Variants in RBM20 observed in about 807,000 individuals in gnomAD.
The protein encoded by RBM20 is RNA-binding protein 20.
In RBM20, 51 loss-of-function variants were observed where a neutral mutation model predicts 110.1. That is an observed-to-expected ratio of 0.46 (90% CI 0.37 to 0.59). The LOEUF (loss-of-function observed/expected upper bound fraction) is 0.59, where lower values mean the gene tolerates loss of function less well. Among genes scored for constraint, RBM20 ranks in the 20% least tolerant of loss-of-function variants. The probability of loss-of-function intolerance (pLI) is 0.00; values close to 1 mark genes in which losing one functional copy is unlikely to be tolerated. For missense variants in RBM20, 1,512 were observed against 1,574.9 expected (o/e 0.96, Z 0.68); for synonymous variants, 589 against 618.2 (o/e 0.95, Z 0.70).
intron 1 of RBM20, among the ~76,000 whole-genome samples, chr10:110,758,014 C>T (rs200910924): frequency 2.8e-3 from 223 of 79,868 alleles, no homozygotes; most frequent in East Asian, 3.8e-3. Context: ...GATCCTTGTT[C>T]TTTTTTTTTT....
intron 1 of RBM20, among the ~76,000 whole-genome samples, chr10:110,682,565 A>G (rs1423770289): frequency 1.3e-5 from 2 of 152,176 alleles, no homozygotes; most frequent in African/African-American, 2.4e-5. Flanking sequence ...TTGGGCTGTA[A>G]TCTGCCAACT....
chr10:110,809,993 G>A (rs1408171509), intron 7 of RBM20, among the ~76,000 whole-genome samples: 1 of 152,222 alleles, frequency 6.6e-6, no homozygotes, highest in Non-Finnish European at 1.5e-5. Context: ...TGATCTTCAA[G>A]TCTTTCCAAG....
intron 1 of RBM20, among the ~76,000 whole-genome samples, chr10:110,663,258 A>G (rs1862131545): frequency 6.6e-6 from 1 of 151,916 alleles, no homozygotes. Flanking sequence ...ACACCCAGCC[A>G]TCACCCTGCT....
At chr10:110,819,306 G>T (rs1219271444) in intron 9 of RBM20, among the ~76,000 whole-genome samples, 1 of 152,206 alleles carries the variant, frequency 6.6e-6, no homozygotes, top group African/African-American at 2.4e-5. Flanking sequence ...TTTTATGTAG[G>T]CACTTCTATA....
intron 1 of RBM20, among the ~76,000 whole-genome samples, chr10:110,717,553 G>C (rs1488430957): frequency 6.6e-6 from 1 of 152,202 alleles, no homozygotes; most frequent in Non-Finnish European, 1.5e-5. Context: ...CTGAGTGTGA[G>C]GTGGAGAGAG....
rs34786813 is a variant in RBM20, at chr10:110,676,791, A to AT, written c.191+32154dup. Among the ~76,000 whole-genome samples, 17 of 152,040 alleles carry AT rather than the reference A, an allele frequency of 1.1e-4. No individual in the cohort carries two copies. In the South Asian group the frequency reaches 2.7e-3, roughly 24 times the overall value. On this transcript the variant is annotated intron_variant, in intron 1 of 13. Transcript: ENST00000369519. The stretch of plus-strand genomic sequence containing the variant: ...GGCTTCTTTGGAAGCAACAAATGCT[A>AT]TTTTTTTTGCTTCAAATCCAATATT...
intron 1 of RBM20, among the ~76,000 whole-genome samples, chr10:110,760,380 C>CTA (rs1001316894): frequency 6.7e-4 from 98 of 145,216 alleles, no homozygotes; most frequent in African/African-American, 2.3e-3. Context: ...TTGGAAGACA[C>CTA]TATAAGCTAC....
intron 13 of RBM20, chr10:110,835,327 TCTTTTTTTTTTC>T (rs200523915): frequency 0.079 from 10,643 of 134,262 alleles, 488 homozygotes; most frequent in East Asian, 0.21. Context: ...TTTCTTTTTT[TCTTTTTTTTTTC>T]TTTTTTTTTT....
chr10:110,685,817 T>C (rs1436236097), intron 1 of RBM20, among the ~76,000 whole-genome samples: 1 of 152,202 alleles, frequency 6.6e-6, no homozygotes, highest in Non-Finnish European at 1.5e-5. Context: ...TTCGGTATGC[T>C]TTGTGAAACA....
Position 110,792,654 on chromosome 10 carries a change from G to A in RBM20, c.1528-4854G>A, listed in dbSNP as rs971115107. ...TGACTATAAAACACACACTTGACAT[G>A]AGTCTGTTCTCAGAGAGGCCCCAGG... On this transcript the variant is annotated intron_variant, in intron 5 of 13. Transcript: ENST00000369519. Among the ~76,000 whole-genome samples, 49 of 152,316 alleles carry A rather than the reference G, an allele frequency of 3.2e-4. 1 individual carries two copies. The highest frequency in any genetic ancestry group is 2.7e-3 in the Admixed American group (42 of 15,302).
At chr10:110,815,076 G>T (rs1389588967) in intron 9 of RBM20, among the ~76,000 whole-genome samples, 1 of 152,222 alleles carries the variant, frequency 6.6e-6, no homozygotes, top group Non-Finnish European at 1.5e-5. Context: ...AAATGAATTT[G>T]CTAATAGGTG....
chr10:110,803,226 A>G (rs1844652628), intron 7 of RBM20, among the ~76,000 whole-genome samples: 1 of 152,224 alleles, frequency 6.6e-6, no homozygotes, highest in South Asian at 2.1e-4. Context: ...AAATTCAGGA[A>G]CTTGCCCAGG....
intron 1 of RBM20, among the ~76,000 whole-genome samples, chr10:110,664,900 G>T (rs1362672337): frequency 6.6e-6 from 1 of 151,864 alleles, no homozygotes; most frequent in East Asian, 1.9e-4. Flanking sequence ...TTAGAGACAG[G>T]GTCCTTGCTC....
chr10:110,804,646 A>G (rs754348245), intron 7 of RBM20, among the ~76,000 whole-genome samples: 26 of 152,350 alleles, frequency 1.7e-4, no homozygotes, highest in Admixed American at 4.6e-4. Flanking sequence ...AATATGCAAA[A>G]TGAATAAGAA....
chr10:110,668,439 C>T (rs1209630873), intron 1 of RBM20, among the ~76,000 whole-genome samples: 1 of 152,208 alleles, frequency 6.6e-6, no homozygotes, highest in Non-Finnish European at 1.5e-5. Context: ...TGCGTAAAGT[C>T]TCCCCTAATT....
intron 1 of RBM20, among the ~76,000 whole-genome samples, chr10:110,776,396 G>A (rs911604815): frequency 3.9e-5 from 6 of 152,182 alleles, no homozygotes; most frequent in African/African-American, 1.4e-4. Flanking sequence ...CAGTTCTGGA[G>A]GCCATAAGTC....
At chr10:110,802,784 C>T (rs577999737) in intron 7 of RBM20, among the ~76,000 whole-genome samples, 43 of 152,270 alleles carry the variant, frequency 2.8e-4, no homozygotes, top group Admixed American at 1.3e-3. Flanking sequence ...TGGCGAGGAG[C>T]TCAGTCTGGT....
At chr10:110,647,732 A>T (rs986482042) in intron 1 of RBM20, among the ~76,000 whole-genome samples, 1 of 152,214 alleles carries the variant, frequency 6.6e-6, no homozygotes, top group Non-Finnish European at 1.5e-5. Context: ...TTTTATTTTT[A>T]AAATTATTTT....
intron 1 of RBM20, among the ~76,000 whole-genome samples, chr10:110,746,088 C>A (rs993724732): frequency 1.4e-4 from 21 of 152,086 alleles, no homozygotes; most frequent in Admixed American, 1.4e-3. Context: ...GGTAGCGATT[C>A]GGCTGGAATT....
Sources: allele counts gnomAD v4.1 joint callset (sites outside exome capture counted in the v4.1 genomes callset), GRCh38; gene constraint gnomAD v4.1.1; transcripts MANE v1.5; gene names NCBI Gene and HGNC (gene_info 2026-07-23, HGNC 2026-07-21).